ADGRL3: variants seen among roughly 807,000 people sequenced by gnomAD.
ADGRL3 encodes the protein adhesion G protein-coupled receptor L3.
Under a neutral mutation model 153.5 loss-of-function variants are expected in ADGRL3, and 62 were observed. That is an observed-to-expected ratio of 0.40 (90% CI 0.33 to 0.50). The LOEUF is 0.50. Among genes scored for constraint, ADGRL3 ranks in the 20% least tolerant of loss-of-function variants. ADGRL3 has a pLI of 0.47. For missense variants in ADGRL3, 1,641 were observed against 1,859.4 expected (o/e 0.88, Z 2.16); for synonymous variants, 710 against 672.5 (o/e 1.06, Z -0.86).
At chr4:61,726,635 A>G (rs1373476217) in intron 6 of ADGRL3, among the ~76,000 whole-genome samples, 1 of 152,142 alleles carries the variant, frequency 6.6e-6, no homozygotes, top group African/African-American at 2.4e-5. Flanking sequence ...CCTTTCTGCC[A>G]TATCCCAACT....
intron 2 of ADGRL3, among the ~76,000 whole-genome samples, chr4:61,402,098 T>G (rs2096936139): frequency 6.6e-6 from 1 of 152,074 alleles, no homozygotes; most frequent in South Asian, 2.1e-4. Flanking sequence ...TCACATGTCA[T>G]GAAATATTTC....
chr4:61,877,809 A>G (rs1454980934), intron 9 of ADGRL3, among the ~76,000 whole-genome samples: 1 of 152,160 alleles, frequency 6.6e-6, no homozygotes, highest in East Asian at 1.9e-4. Context: ...TAATACCCAC[A>G]TATCAGGGGA....
intron 5 of ADGRL3, among the ~76,000 whole-genome samples, chr4:61,608,717 T>G (rs958524024): frequency 2.0e-5 from 3 of 152,216 alleles, no homozygotes; most frequent in African/African-American, 7.2e-5. Context: ...TATAAGGTCA[T>G]AGACACATGG....
At chr4:61,854,426 G>A (rs1211242706) in intron 9 of ADGRL3, among the ~76,000 whole-genome samples, 1 of 152,144 alleles carries the variant, frequency 6.6e-6, no homozygotes, top group Non-Finnish European at 1.5e-5. Context: ...GTCAAAGTGA[G>A]ACAGGAGCAG....
chr4:61,350,289 T>C (rs2096014181), intron 1 of ADGRL3, among the ~76,000 whole-genome samples: 1 of 151,598 alleles, frequency 6.6e-6, no homozygotes, highest in African/African-American at 2.4e-5. Context: ...AGTTATGAAA[T>C]AGAGAGTATA....
intron 1 of ADGRL3, among the ~76,000 whole-genome samples, chr4:61,245,884 A>T: frequency 1.3e-5 from 1 of 74,088 alleles, no homozygotes; most frequent in South Asian, 4.5e-4. Flanking sequence ...ACCTTCAGGC[A>T]GATAGCAGCT....
chr4:61,204,046 G>C (rs1577842232), intron 1 of ADGRL3, among the ~76,000 whole-genome samples: 1 of 152,072 alleles, frequency 6.6e-6, no homozygotes, highest in Non-Finnish European at 1.5e-5. Flanking sequence ...CTTAGGTCTA[G>C]ATTAGCTCTG....
At chr4:61,221,828 A>G (rs568209247) in intron 1 of ADGRL3, among the ~76,000 whole-genome samples, 1 of 152,272 alleles carries the variant, frequency 6.6e-6, no homozygotes, top group East Asian at 1.9e-4. Flanking sequence ...ATCAAAGATA[A>G]AAAATATTCG....
intron 5 of ADGRL3, among the ~76,000 whole-genome samples, chr4:61,650,040 T>G (rs1048563978): frequency 1.3e-5 from 2 of 152,174 alleles, no homozygotes; most frequent in African/African-American, 4.8e-5. Flanking sequence ...TCTGGCTGTT[T>G]CCTGCTCTTT....
intron 24 of ADGRL3, among the ~76,000 whole-genome samples, chr4:62,039,715 A>G (rs1727115546): frequency 6.6e-6 from 1 of 152,074 alleles, no homozygotes; most frequent in African/African-American, 2.4e-5. Context: ...AGCCCCTTTT[A>G]TAATTAATGC....
intron 5 of ADGRL3, among the ~76,000 whole-genome samples, chr4:61,610,223 A>G (rs1405702954): frequency 6.6e-6 from 1 of 151,942 alleles, no homozygotes; most frequent in Non-Finnish European, 1.5e-5. Flanking sequence ...CATTTAATAT[A>G]TAATATTTAA....
chr4:61,265,604 T>A (rs2092803196), intron 1 of ADGRL3, among the ~76,000 whole-genome samples: 1 of 151,874 alleles, frequency 6.6e-6, no homozygotes, highest in Non-Finnish European at 1.5e-5. Context: ...ATCAGGAGTT[T>A]TGTTTCAGGA....
At chr4:61,602,172 C>T (rs978450941) in intron 5 of ADGRL3, among the ~76,000 whole-genome samples, 7 of 151,584 alleles carry the variant, frequency 4.6e-5, no homozygotes, top group African/African-American at 1.5e-4. Context: ...TGTGTAATAA[C>T]CCCATCAAGG....
intron 13 of ADGRL3, among the ~76,000 whole-genome samples, chr4:61,931,222 G>C (rs755694634): frequency 3.9e-5 from 6 of 152,106 alleles, no homozygotes; most frequent in Non-Finnish European, 7.4e-5. Context: ...AAAGCTCCAG[G>C]TAGTATAGGC....
intron 4 of ADGRL3, among the ~76,000 whole-genome samples, chr4:61,573,506 CT>C (rs1238871467): frequency 2.0e-5 from 3 of 151,928 alleles, no homozygotes; most frequent in Non-Finnish European, 4.4e-5. Flanking sequence ...ATTCTTCCCC[CT>C]CTCCATTATT....
chr4:61,831,708 C>G (rs554716867), intron 9 of ADGRL3, among the ~76,000 whole-genome samples: 3 of 152,048 alleles, frequency 2.0e-5, no homozygotes, highest in East Asian at 3.9e-4. Context: ...GGGGAAGATA[C>G]TTTAATAGCC....
chr4:61,812,737 T>G (rs2097645419), intron 8 of ADGRL3, among the ~76,000 whole-genome samples: 1 of 152,206 alleles, frequency 6.6e-6, no homozygotes, highest in Non-Finnish European at 1.5e-5. Flanking sequence ...ATATTTAAGC[T>G]AACAATTTTT....
chr4:61,336,858 C>CTTT (rs573900304), intron 1 of ADGRL3, among the ~76,000 whole-genome samples: 10 of 134,164 alleles, frequency 7.5e-5, no homozygotes, highest in South Asian at 2.5e-4. Flanking sequence ...CTTACAGTTC[C>CTTT]TTTTTTTTTT....
intron 1 of ADGRL3, among the ~76,000 whole-genome samples, chr4:61,211,190 G>A (rs12715700): frequency 1 from 151,691 of 152,294 alleles, 75,550 homozygotes; most frequent in Middle Eastern, 1. Context: ...TTTCTGCTGA[G>A]CTGATTAATT....
Sources: allele counts gnomAD v4.1 joint callset (sites outside exome capture counted in the v4.1 genomes callset), GRCh38; gene constraint gnomAD v4.1.1; transcripts MANE v1.5; gene names NCBI Gene and HGNC (gene_info 2026-07-23, HGNC 2026-07-21).